The following PKD1L1 variants were observed in gnomAD, a reference collection of about 807,000 sequenced individuals.
PKD1L1 encodes polycystin 1 like 1, transient receptor potential channel interacting.
Under a neutral mutation model 323.4 loss-of-function variants are expected in PKD1L1, and 236 were observed. The ratio of observed to expected loss-of-function variants is 0.73; its 90% CI spans 0.66 to 0.81. The LOEUF is 0.81. Among genes scored for constraint, PKD1L1 ranks in the 40% least tolerant of loss-of-function variants. The probability of loss-of-function intolerance (pLI) is 0.00; values close to 1 mark genes in which losing one functional copy is unlikely to be tolerated. For missense variants in PKD1L1, 3,320 were observed against 3,508.0 expected (o/e 0.95, Z 1.35); for synonymous variants, 1,344 against 1,335.0 (o/e 1.01, Z -0.15).
chr7:47,873,865 G>A, intron 24 of PKD1L1, 34 bp downstream of exon 24: 2 of 1,511,496 alleles, frequency 1.3e-6, no homozygotes, highest in South Asian at 2.3e-5. Context: ...TACAAATAAT[G>A]GCTAGGATGT....
At chr7:47,927,143 A>C (rs1787669147) in intron 7 of PKD1L1, among the ~76,000 whole-genome samples, 1 of 152,168 alleles carries the variant, frequency 6.6e-6, no homozygotes, top group Non-Finnish European at 1.5e-5. Context: ...CTATGACATA[A>C]AACTCAGAAA....
In PKD1L1 at chr7:47,866,591, A is replaced by G. The variant is rs1786175236; in HGVS notation, c.3920T>C (p.Leu1307Pro). The G allele has an allele frequency of 6.2e-7, 1 of 1,608,890 alleles. No individual in the cohort carries two copies. The highest frequency in any genetic ancestry group is 1.3e-5 in the African/African-American group (1 of 74,694). The change falls in exon 25 of 57, where the codon CTT becomes CCT. Residue 1307 changes from leucine (L) to proline (P), a missense_variant. Leu to Pro is a moderately conservative substitution (Grantham distance 98). Coordinates refer to ENST00000289672, the MANE Select transcript of PKD1L1 (RefSeq NM_138295.5). ...EDLYNSSLKN[L>P]STLQLMGSYT... ...ACTCCCCATCAGCTGGAGGGTAGAAAGGTTTTTCAGGCTGGAATTATACCT... is the reference window on the plus strand; with the variant it reads ...ACTCCCCATCAGCTGGAGGGTAGAAGGGTTTTTCAGGCTGGAATTATACCT...
At chr7:47,819,239 T>C (rs1785088148) in intron 46 of PKD1L1, among the ~76,000 whole-genome samples, 1 of 152,152 alleles carries the variant, frequency 6.6e-6, no homozygotes, top group South Asian at 2.1e-4. Context: ...TGCATCCCTA[T>C]GGGAAACATA....
chr7:47,781,630 C>T (rs1176697064), intron 56 of PKD1L1, among the ~76,000 whole-genome samples: 2 of 151,672 alleles, frequency 1.3e-5, no homozygotes, highest in Admixed American at 6.6e-5. Context: ...AGGATGGTCT[C>T]GATTTCCTGA....
chr7:47,933,221 TGAC>T (rs1482347241), intron 4 of PKD1L1, among the ~76,000 whole-genome samples: 1 of 149,282 alleles, frequency 6.7e-6, no homozygotes, highest in Admixed American at 6.7e-5. Flanking sequence ...CTAAACTGAC[TGAC>T]GCCAAGTAGC....
At chr7:47,888,383 G>A (rs576513583) in intron 16 of PKD1L1, among the ~76,000 whole-genome samples, 1 of 152,358 alleles carries the variant, frequency 6.6e-6, no homozygotes, top group African/African-American at 2.4e-5. Context: ...CAAGGACACT[G>A]CCACCCTACA....
In PKD1L1 at chr7:47,803,235, G is replaced by C. The variant is rs752673990; in HGVS notation, c.7937C>G (p.Ser2646Ter). The C allele has an allele frequency of 5.0e-6, 8 of 1,614,146 alleles. No homozygotes were observed. The highest frequency in any genetic ancestry group is 6.8e-6 in the Non-Finnish European group (8 of 1,180,018). ...CCCTGCTACAAAGATGCTGGGGAGT[G>C]AGTGGCGCATCATGGAGGAGCAGGA... ...MASCSSMMRH[S>*]LPSIFVAGLV... Residue 2646 changes from serine (S) to a stop codon, truncating the protein, a stop_gained, in exon 53 of 57, where the codon TCA (serine) becomes TGA (stop). Transcript: ENST00000289672. LOFTEE classifies it high-confidence loss of function.
At chr7:47,778,863 T>C (rs140633259) in intron 56 of PKD1L1, among the ~76,000 whole-genome samples, 1 of 152,334 alleles carries the variant, frequency 6.6e-6, no homozygotes, top group East Asian at 1.9e-4. Context: ...GAACAGGACT[T>C]ACTTCAAATG....
chr7:47,834,164 G>A (rs1268945342), intron 40 of PKD1L1, among the ~76,000 whole-genome samples, 175 bp downstream of exon 40: 1 of 152,202 alleles, frequency 6.6e-6, no homozygotes, highest in African/African-American at 2.4e-5. Context: ...CTCCCTCTAG[G>A]GAGGACGGCC....
At chr7:47,842,305 A>G (rs1311839644) in intron 34 of PKD1L1, among the ~76,000 whole-genome samples, 1 of 152,102 alleles carries the variant, frequency 6.6e-6, no homozygotes, top group Non-Finnish European at 1.5e-5. Flanking sequence ...GTGGCACCCC[A>G]TCTTATTCAT....
At chr7:47,794,317 C>T (rs1346344866) in intron 55 of PKD1L1, among the ~76,000 whole-genome samples, 1 of 152,148 alleles carries the variant, frequency 6.6e-6, no homozygotes, top group Non-Finnish European at 1.5e-5. Flanking sequence ...GCCCAGGTTC[C>T]CCGTGCTGTG....
intron 7 of PKD1L1, among the ~76,000 whole-genome samples, chr7:47,922,663 C>G (rs931921423): frequency 2.2e-4 from 33 of 150,688 alleles, no homozygotes; most frequent in Non-Finnish European, 4.3e-4. Context: ...AGTGAGGAGC[C>G]CCTCCGCCCG....
intron 41 of PKD1L1, among the ~76,000 whole-genome samples, chr7:47,832,068 T>A (rs192093284): frequency 4.5e-4 from 68 of 152,352 alleles, no homozygotes; most frequent in Non-Finnish European, 8.4e-4. Context: ...GGATGCCATG[T>A]CAACCTAGGG....
At position 47,855,317 on chromosome 7, in the gene PKD1L1, A is replaced by G. The variant is rs569038406; in HGVS notation, c.4591-52T>C. 14 of 1,413,048 alleles carry G rather than the reference A, an allele frequency of 9.9e-6. No homozygotes were observed. The Admixed American group carries it at 2.2e-4, about 22-fold the overall frequency. 87.5% of individuals were successfully genotyped at this position (1,413,048 alleles called of 1,614,324 possible). The stretch of plus-strand genomic sequence containing the variant: ...CAAATGACAGCAAGCAATGGACTTA[A>G]GTGAGAAAAGCAGCAAACCAAAGTA... On this transcript the variant is annotated intron_variant, in intron 28 of 56. Coordinates refer to ENST00000289672, the MANE Select transcript of PKD1L1 (RefSeq NM_138295.5).
chr7:47,779,384 T>G (rs1248892067), intron 56 of PKD1L1, among the ~76,000 whole-genome samples: 2 of 152,216 alleles, frequency 1.3e-5, no homozygotes, highest in African/African-American at 4.8e-5. Context: ...CTTTTGTGGT[T>G]AAATTATGCT....
rs114085727 is a variant in PKD1L1, at chr7:47,828,043, C to G, written c.6736-575G>C. 3.7e-3 allele frequency among the ~76,000 whole-genome samples: 567 copies of G among 152,250 alleles called. 6 individuals are homozygous for G. The highest frequency in any genetic ancestry group is 0.013 in the African/African-American group (541 of 41,564). On this transcript the variant is annotated intron_variant, in intron 44 of 56. Transcript: ENST00000289672. ...CAGAGACAGTCCTTCCTCCTAGAGACTCTGGGCTTCTAGGAACTTGACAGC... is the reference window on the plus strand; with the variant it reads ...CAGAGACAGTCCTTCCTCCTAGAGAGTCTGGGCTTCTAGGAACTTGACAGC...
At chr7:47,873,474 C>G (rs1361490995) in intron 24 of PKD1L1, among the ~76,000 whole-genome samples, 1 of 151,696 alleles carries the variant, frequency 6.6e-6, no homozygotes, top group Non-Finnish European at 1.5e-5. Context: ...TGGTGAAACC[C>G]CATCTCTACT....
intron 6 of PKD1L1, among the ~76,000 whole-genome samples, chr7:47,930,331 C>T (rs1318011629): frequency 2.0e-5 from 3 of 152,024 alleles, no homozygotes; most frequent in African/African-American, 4.8e-5. Context: ...CGGTGAAACC[C>T]GGTCTCTACT....
rs1463213427 is a variant in PKD1L1 at position 47,775,181 on chromosome 7, T to C, written c.8527-15A>G. 3.1e-6 allele frequency: 5 copies of C among 1,613,384 alleles called. No individual in the cohort carries two copies. Among genetic ancestry groups the C allele is most frequent in the Non-Finnish European group, 4.2e-6 (5 of 1,179,808 alleles). On this transcript the variant is annotated splice_polypyrimidine_tract_variant and intron_variant, in intron 56 of 56. Coordinates refer to ENST00000289672, the MANE Select transcript of PKD1L1 (RefSeq NM_138295.5). ...ATGTCTGCTGGCTAAAAAGAAAAAA[T>C]GAAAAACATACTGAAACAACACCCC...
Sources: allele counts gnomAD v4.1 joint callset (sites outside exome capture counted in the v4.1 genomes callset), GRCh38; gene constraint gnomAD v4.1.1; transcripts MANE v1.5; gene names NCBI Gene and HGNC (gene_info 2026-07-23, HGNC 2026-07-21).